Variants in GPR158 observed in about 807,000 individuals in gnomAD.
The protein encoded by GPR158 is G protein-coupled receptor 158, also known as metabotropic glycine receptor.
GPR158 carries 30 observed loss-of-function variants against 78.2 expected under a neutral mutation model. The ratio of observed to expected loss-of-function variants is 0.38; its 90% CI spans 0.29 to 0.52. The LOEUF is 0.52. Ranked by LOEUF, GPR158 falls within the 20% of genes least tolerant of loss-of-function variation. The probability of loss-of-function intolerance (pLI) is 0.83; values close to 1 mark genes in which losing one functional copy is unlikely to be tolerated. For missense variants in GPR158, 1,463 were observed against 1,523.5 expected, an observed-to-expected ratio of 0.96 and a Z score of 0.66; for synonymous variants, 581 against 591.1, an observed-to-expected ratio of 0.98 and a Z score of 0.25.
intron 5 of GPR158, among the ~76,000 whole-genome samples, chr10:25,477,302 A>T (rs1290444387): frequency 1.3e-5 from 2 of 152,112 alleles, no homozygotes; most frequent in East Asian, 1.9e-4. Context: ...GTTTTAATCC[A>T]TTACTATTAT....
chr10:25,212,329 A>G (rs916121630), intron 1 of GPR158, among the ~76,000 whole-genome samples: 7 of 152,132 alleles, frequency 4.6e-5, no homozygotes, highest in Non-Finnish European at 8.8e-5. Context: ...GGAGGAGCGA[A>G]GCGGGGTGTG....
At chr10:25,423,020 G>A (rs563101429) in intron 4 of GPR158, among the ~76,000 whole-genome samples, 12 of 151,790 alleles carry the variant, frequency 7.9e-5, no homozygotes, top group African/African-American at 7.3e-5. Context: ...AGGTTGCTGC[G>A]AATGCCATTG....
chr10:25,183,314 T>C (rs1852636908), intron 1 of GPR158, among the ~76,000 whole-genome samples: 1 of 152,132 alleles, frequency 6.6e-6, no homozygotes, highest in African/African-American at 2.4e-5. Context: ...TTTCCTACAG[T>C]GCCAAATCTA....
intron 2 of GPR158, among the ~76,000 whole-genome samples, chr10:25,342,560 A>G (rs1008688112): frequency 1.3e-5 from 2 of 152,054 alleles, no homozygotes; most frequent in African/African-American, 4.8e-5. Flanking sequence ...GAAAATAAAA[A>G]GCACATGAAG....
chr10:25,457,773 A>G (rs930679062), intron 4 of GPR158, among the ~76,000 whole-genome samples: 1 of 152,240 alleles, frequency 6.6e-6, no homozygotes, highest in African/African-American at 2.4e-5. Flanking sequence ...ATTCCCTCTC[A>G]TGCATCTAAG....
chr10:25,587,236 A>C (rs1182175300), intron 7 of GPR158, among the ~76,000 whole-genome samples: 1 of 152,172 alleles, frequency 6.6e-6, no homozygotes, highest in Non-Finnish European at 1.5e-5. Flanking sequence ...TTTCCTGAAA[A>C]AGGAACTCAG....
chr10:25,203,540 G>A (rs1049432687), intron 1 of GPR158, among the ~76,000 whole-genome samples: 28 of 150,894 alleles, frequency 1.9e-4, no homozygotes, highest in African/African-American at 6.9e-4. Flanking sequence ...TTTTTGTCAG[G>A]TTTGTCAAAG....
intron 3 of GPR158, among the ~76,000 whole-genome samples, chr10:25,410,105 C>T (rs1834564540): frequency 6.6e-6 from 1 of 152,026 alleles, no homozygotes; most frequent in Non-Finnish European, 1.5e-5. Flanking sequence ...AATACTCCTC[C>T]CTGTATAGCA....
intron 5 of GPR158, among the ~76,000 whole-genome samples, chr10:25,548,511 A>G (rs1488047156): frequency 6.6e-6 from 1 of 152,190 alleles, no homozygotes; most frequent in Non-Finnish European, 1.5e-5. Flanking sequence ...ACACTATTAC[A>G]TTTAAGCTTC....
At chr10:25,389,809 C>T (rs1834269792) in intron 2 of GPR158, among the ~76,000 whole-genome samples, 1 of 152,156 alleles carries the variant, frequency 6.6e-6, no homozygotes, top group Non-Finnish European at 1.5e-5. Context: ...CATCCCCAAG[C>T]TTCTGGGCAC....
At chr10:25,419,248 T>G (rs1408784930) in intron 4 of GPR158, among the ~76,000 whole-genome samples, 1 of 152,196 alleles carries the variant, frequency 6.6e-6, no homozygotes, top group Non-Finnish European at 1.5e-5. Flanking sequence ...TCGTATAATA[T>G]TTATTCATTT....
At chr10:25,244,634 TACCTCAGGTTTA>T (rs1853665731) in intron 2 of GPR158, 1 of 152,142 alleles carries the variant, frequency 6.6e-6, no homozygotes, top group Admixed American at 6.5e-5. Context: ...CCTTACTCTG[TACCTCAGGTTTA>T]GCCTCAGGTA....
chr10:25,192,519 T>C (rs12411980), intron 1 of GPR158, among the ~76,000 whole-genome samples: 1 of 152,088 alleles, frequency 6.6e-6, no homozygotes, highest in Non-Finnish European at 1.5e-5. Context: ...CACTTTCACT[T>C]ACTGTGTGAC....
chr10:25,571,723 G>A (rs1837011717), intron 6 of GPR158, among the ~76,000 whole-genome samples: 2 of 152,048 alleles, frequency 1.3e-5, no homozygotes, highest in African/African-American at 4.8e-5. Context: ...TAGTAAGGGT[G>A]CATTTTGTCT....
chr10:25,218,306 C>T (rs1043040146), intron 1 of GPR158, among the ~76,000 whole-genome samples: 1 of 152,088 alleles, frequency 6.6e-6, no homozygotes, highest in African/African-American at 2.4e-5. Context: ...CTTCACGGGC[C>T]GGGCTTGAGG....
At chr10:25,339,068 G>T (rs1339290433) in intron 2 of GPR158, among the ~76,000 whole-genome samples, 1 of 147,526 alleles carries the variant, frequency 6.8e-6, no homozygotes, top group Non-Finnish European at 1.5e-5. Context: ...TGCCCAGAAA[G>T]CCTGGAGTGC....
chr10:25,390,493 T>C (rs1834279411), intron 2 of GPR158, among the ~76,000 whole-genome samples: 2 of 152,246 alleles, frequency 1.3e-5, no homozygotes, highest in African/African-American at 2.4e-5. Context: ...AAGAGACTGG[T>C]GGCATTCTGC....
chr10:25,476,220 T>G (rs1835581218), intron 5 of GPR158, among the ~76,000 whole-genome samples: 1 of 152,132 alleles, frequency 6.6e-6, no homozygotes. Flanking sequence ...TTTGTATAAT[T>G]TATAAAAGAA....
intron 5 of GPR158, among the ~76,000 whole-genome samples, chr10:25,490,352 T>C (rs1835789806): frequency 6.7e-6 from 1 of 149,320 alleles, no homozygotes; most frequent in South Asian, 2.2e-4. Context: ...GCAGGTTAGT[T>C]ACATATGTAT....
Sources: gnomAD v4.1 joint callset for allele counts (sites outside exome capture counted in the v4.1 genomes callset) on GRCh38, gnomAD v4.1.1 for gene constraint, MANE v1.5 for transcripts, NCBI Gene and HGNC (gene_info 2026-07-23, HGNC 2026-07-21) for gene names.